GRIP1: variants seen among roughly 807,000 people sequenced by gnomAD.
The protein encoded by GRIP1 is glutamate receptor-interacting protein 1.
A neutral mutation model predicts 129.9 loss-of-function variants in GRIP1; 45 were observed. The observed-to-expected ratio is 0.35, with a 90% CI of 0.27 to 0.44. The LOEUF is 0.44. GRIP1 is among the 20% of genes least tolerant of loss of function. The probability of loss-of-function intolerance (pLI) is 1.00; values close to 1 mark genes in which losing one functional copy is unlikely to be tolerated. For missense variants in GRIP1, 1,196 were observed against 1,396.8 expected (o/e 0.86, Z 2.29); for synonymous variants, 530 against 520.8 (o/e 1.02, Z -0.24).
intron 1 of GRIP1, among the ~76,000 whole-genome samples, chr12:66,723,329 T>C (rs2036152536): frequency 3.1e-5 from 3 of 95,570 alleles, no homozygotes; most frequent in African/African-American, 1.4e-4. Flanking sequence ...TTTTTTTTTT[T>C]TGAGACAGAG....
intron 1 of GRIP1, among the ~76,000 whole-genome samples, chr12:66,841,640 C>T (rs2039718483): frequency 6.6e-6 from 1 of 152,084 alleles, no homozygotes; most frequent in Non-Finnish European, 1.5e-5. Flanking sequence ...GTAAGCTGGG[C>T]TCAAATCTCA....
At chr12:66,803,964 C>A in intron 1 of GRIP1, 1 of 367,084 alleles carries the variant, frequency 2.7e-6, no homozygotes, top group Non-Finnish European at 5.5e-6. Context: ...TCTGAGAAAC[C>A]TTTTGCATTT....
At chr12:66,417,810 A>G (rs2057662013) in intron 15 of GRIP1, among the ~76,000 whole-genome samples, 1 of 152,144 alleles carries the variant, frequency 6.6e-6, no homozygotes, top group Non-Finnish European at 1.5e-5. Flanking sequence ...TAGAAAATAA[A>G]CTACATGTTT....
At chr12:66,575,184 T>C (rs968644747) in intron 2 of GRIP1, among the ~76,000 whole-genome samples, 23 of 152,214 alleles carry the variant, frequency 1.5e-4, no homozygotes, top group Non-Finnish European at 3.2e-4. Context: ...TGACTGATGA[T>C]AACAGTGGTT....
intron 1 of GRIP1, among the ~76,000 whole-genome samples, chr12:66,700,511 C>T (rs556035299): frequency 6.6e-6 from 1 of 151,580 alleles, no homozygotes; most frequent in African/African-American, 2.4e-5. Context: ...TCACAGGCAT[C>T]ATCACAGCTC....
chr12:66,589,190 C>T (rs1323297840), intron 2 of GRIP1, among the ~76,000 whole-genome samples: 4 of 106,208 alleles, frequency 3.8e-5, no homozygotes, highest in East Asian at 3.3e-4. Context: ...TCCCCTCCCC[C>T]ACCTTCTCTC....
At chr12:66,890,057 T>G (rs947362908) in intron 1 of GRIP1, among the ~76,000 whole-genome samples, 1 of 151,938 alleles carries the variant, frequency 6.6e-6, no homozygotes, top group Non-Finnish European at 1.5e-5. Context: ...AGCCTCCCAA[T>G]AGCTGGGACT....
At chr12:66,477,876 T>C (rs974940818) in intron 7 of GRIP1, among the ~76,000 whole-genome samples, 1 of 152,080 alleles carries the variant, frequency 6.6e-6, no homozygotes, top group Non-Finnish European at 1.5e-5. Context: ...CAAAAATTAA[T>C]TCAAGATGGA....
intron 7 of GRIP1, among the ~76,000 whole-genome samples, chr12:66,483,754 A>G (rs934858674): frequency 1.3e-5 from 2 of 152,224 alleles, no homozygotes; most frequent in Middle Eastern, 6.3e-3. Flanking sequence ...TAAACTGAAT[A>G]TATCTGTGTA....
chr12:67,016,085 T>C (rs2042781608), intron 1 of GRIP1, among the ~76,000 whole-genome samples: 1 of 152,354 alleles, frequency 6.6e-6, no homozygotes, highest in South Asian at 2.1e-4. Flanking sequence ...TCATTTGTAC[T>C]GCAGTAGTTT....
chr12:66,964,152 C>A (rs2041962577), intron 1 of GRIP1, among the ~76,000 whole-genome samples: 1 of 152,060 alleles, frequency 6.6e-6, no homozygotes, highest in South Asian at 2.1e-4. Flanking sequence ...CGCAGTGCTG[C>A]CAAAGTGATT....
chr12:66,353,445 C>T lies in GRIP1; in HGVS notation c.3131G>A (p.Gly1044Asp). ...IRPAGPGDLG[G>D]LKPYDRLLQV... ...TAAGAGCCTGTCATAGGGCTTTAAG[C>T]CACCAAGATCTCCTGGCCCAGCTGG... is the stretch of plus-strand genomic sequence containing the variant. The change falls in exon 24 of 25, where the codon GGC becomes GAC. Residue 1044 changes from glycine (G) to aspartate (D), a missense_variant. By Grantham distance (94) the Gly-to-Asp change is moderately conservative. This residue lies in a region of GRIP1 where 427 missense variants were observed against 463.3 expected (regional missense o/e 0.92). Transcript: ENST00000359742. 6.2e-7 allele frequency: 1 copy of T among 1,612,904 alleles called. No homozygotes were observed. Among genetic ancestry groups the T allele is most frequent in the Non-Finnish European group, 8.5e-7 (1 of 1,178,916 alleles).
intron 1 of GRIP1, among the ~76,000 whole-genome samples, chr12:66,974,588 C>T (rs374167019): frequency 2.0e-5 from 3 of 152,074 alleles, no homozygotes; most frequent in Admixed American, 6.6e-5. Flanking sequence ...CATTTAAACA[C>T]GGATATTGTT....
chr12:66,430,498 T>G (rs1327165218), intron 14 of GRIP1, among the ~76,000 whole-genome samples: 2 of 152,218 alleles, frequency 1.3e-5, no homozygotes, highest in Non-Finnish European at 2.9e-5. Flanking sequence ...AAACCCATTT[T>G]AGAAGTAAAA....
rs1238782833 is a variant in GRIP1 at position 66,655,004 on chromosome 12, G to A, written c.55+23846C>T. Among the ~76,000 whole-genome samples the A allele has an allele frequency of 3.9e-5, 6 of 151,992 alleles. No individual in the cohort carries two copies. In the South Asian group the frequency reaches 6.2e-4, roughly 16 times the overall value. On this transcript the variant is annotated intron_variant, in intron 1 of 24. Coordinates refer to ENST00000359742, the MANE Select transcript of GRIP1 (RefSeq NM_001366722.1). The stretch of plus-strand genomic sequence containing the variant: ...TCATTACCTCTTTAAAGTATTGTAC[G>A]CAGGAACATGAAGAAGACATGAGAT...
intron 1 of GRIP1, among the ~76,000 whole-genome samples, chr12:66,827,413 A>AGAGAGAGAGAGAGC (rs879461540): frequency 6.6e-6 from 1 of 150,888 alleles, no homozygotes; most frequent in Non-Finnish European, 1.5e-5. Flanking sequence ...AGAGAGAGAG[A>AGAGAGAGAGAGAGC]GAGCGCACAA....
At chr12:67,015,459 T>TA (rs2042772192) in intron 1 of GRIP1, among the ~76,000 whole-genome samples, 1 of 152,326 alleles carries the variant, frequency 6.6e-6, no homozygotes, top group African/African-American at 2.4e-5. Flanking sequence ...AATCCTGCTA[T>TA]AGCAGACAGA....
chr12:66,676,557 C>T (rs1221447905), intron 1 of GRIP1, among the ~76,000 whole-genome samples: 1 of 152,246 alleles, frequency 6.6e-6, no homozygotes, highest in East Asian at 1.9e-4. Flanking sequence ...AAATCCAATT[C>T]ATTTTAACAA....
chr12:66,839,900 C>T (rs938708219), intron 1 of GRIP1, among the ~76,000 whole-genome samples: 5 of 152,114 alleles, frequency 3.3e-5, no homozygotes, highest in Non-Finnish European at 5.9e-5. Flanking sequence ...CTCTTATCTC[C>T]GTATTGTCAC....
Sources: gnomAD v4.1 joint callset for allele counts (sites outside exome capture counted in the v4.1 genomes callset) on GRCh38, gnomAD v4.1.1 for gene constraint, gnomAD v4.1.1 regional missense constraint, MANE v1.5 for transcripts, NCBI Gene and HGNC (gene_info 2026-07-23, HGNC 2026-07-21) for gene names.